MYO3A: variants seen among roughly 807,000 people sequenced by gnomAD.
MYO3A encodes myosin-IIIa.
A neutral mutation model predicts 192.7 loss-of-function variants in MYO3A; 180 were observed. That is an observed-to-expected ratio of 0.93 (90% CI 0.83 to 1.06). The LOEUF (loss-of-function observed/expected upper bound fraction) is 1.06. Ranked by LOEUF, MYO3A falls within the 50% of genes least tolerant of loss-of-function variation. MYO3A has a pLI of 0.00. For missense variants in MYO3A, 1,896 were observed against 1,905.0 expected, an observed-to-expected ratio of 1.00 and a Z score of 0.09; for synonymous variants, 628 against 645.3, an observed-to-expected ratio of 0.97 and a Z score of 0.41.
intron 29 of MYO3A, among the ~76,000 whole-genome samples, chr10:26,170,883 A>G (rs1334759388): frequency 1.3e-5 from 2 of 152,198 alleles, no homozygotes; most frequent in African/African-American, 4.8e-5. Context: ...TTAATAGCCA[A>G]TATGCCATTG....
At chr10:25,971,346 A>G (rs1190858378) in intron 4 of MYO3A, among the ~76,000 whole-genome samples, 3 of 152,194 alleles carry the variant, frequency 2.0e-5, no homozygotes, top group Non-Finnish European at 2.9e-5. Flanking sequence ...TGTTTTATAC[A>G]ATTGCTTTTT....
intron 17 of MYO3A, 103 bp from the exon 18 acceptor site, chr10:26,120,573 T>C: frequency 1.4e-6 from 2 of 1,475,318 alleles, no homozygotes; most frequent in Non-Finnish European, 1.9e-6. Flanking sequence ...TGGATAGATA[T>C]GAAAGGGCCT....
chr10:26,141,880 C>T (rs150868326), intron 20 of MYO3A, among the ~76,000 whole-genome samples: 2 of 152,090 alleles, frequency 1.3e-5, no homozygotes, highest in African/African-American at 4.8e-5. Flanking sequence ...CCTGGTGACA[C>T]CTTTGAAATG....
chr10:26,182,525 A>G (rs1233147829), intron 31 of MYO3A, among the ~76,000 whole-genome samples: 1 of 152,242 alleles, frequency 6.6e-6, no homozygotes, highest in Non-Finnish European at 1.5e-5. Context: ...AAGTCAGAGA[A>G]TGTTCTTCAA....
chr10:25,960,124 G>A (rs1837832640), intron 4 of MYO3A, among the ~76,000 whole-genome samples: 1 of 151,982 alleles, frequency 6.6e-6, no homozygotes, highest in Non-Finnish European at 1.5e-5. Flanking sequence ...TTTTTGCTCA[G>A]TGTTCTCCTT....
chr10:26,021,745 A>G (rs1353761714), intron 8 of MYO3A, 97 bp downstream of exon 8: 2 of 1,508,854 alleles, frequency 1.3e-6, no homozygotes, highest in African/African-American at 2.8e-5. Flanking sequence ...GTTCAGATAT[A>G]TTCCAACAAG....
chr10:25,962,709 C>T (rs571202089), intron 4 of MYO3A, among the ~76,000 whole-genome samples: 2 of 152,062 alleles, frequency 1.3e-5, no homozygotes, highest in East Asian at 1.9e-4. Flanking sequence ...CAGTATCAAG[C>T]GTGGAGGGGA....
At chr10:26,030,695 A>T (rs955848849) in intron 10 of MYO3A, among the ~76,000 whole-genome samples, 1 of 152,208 alleles carries the variant, frequency 6.6e-6, no homozygotes, top group African/African-American at 2.4e-5. Flanking sequence ...TTTGTACATG[A>T]TGTCATCCTT....
chr10:25,991,543 T>C (rs892914732), intron 4 of MYO3A, among the ~76,000 whole-genome samples: 2 of 152,054 alleles, frequency 1.3e-5, no homozygotes, highest in African/African-American at 4.8e-5. Context: ...CAATTTTGGC[T>C]TTTGTTGCCA....
intron 6 of MYO3A, among the ~76,000 whole-genome samples, chr10:26,007,230 C>T (rs1160036994): frequency 6.7e-6 from 1 of 150,190 alleles, no homozygotes; most frequent in Non-Finnish European, 1.5e-5. Flanking sequence ...TTGGACGTGT[C>T]TCAAAATAAT....
At chr10:25,936,402 G>A (rs1836066875) in intron 2 of MYO3A, among the ~76,000 whole-genome samples, 2 of 152,072 alleles carry the variant, frequency 1.3e-5, no homozygotes, top group African/African-American at 2.4e-5. Context: ...TTTGTAAAAT[G>A]TTTATTATGT....
intron 22 of MYO3A, among the ~76,000 whole-genome samples, 170 bp from the exon 23 acceptor site, chr10:26,147,260 A>G (rs1330712369): frequency 6.6e-6 from 1 of 152,052 alleles, no homozygotes; most frequent in Non-Finnish European, 1.5e-5. Context: ...TTAAGATGAT[A>G]AGGAGCTACC....
intron 4 of MYO3A, among the ~76,000 whole-genome samples, chr10:25,961,384 T>C (rs1003064520): frequency 6.6e-6 from 1 of 152,126 alleles, no homozygotes; most frequent in African/African-American, 2.4e-5. Context: ...TAGTTAAATG[T>C]TTTTTGAGAG....
At chr10:25,940,778 C>A (rs1227950487) in intron 2 of MYO3A, among the ~76,000 whole-genome samples, 2 of 152,084 alleles carry the variant, frequency 1.3e-5, no homozygotes, top group African/African-American at 4.8e-5. Flanking sequence ...TTTGAAAAAC[C>A]AGCAATCATT....
intron 31 of MYO3A, among the ~76,000 whole-genome samples, chr10:26,192,017 G>T (rs1187222003): frequency 1.3e-5 from 2 of 152,164 alleles, no homozygotes; most frequent in Non-Finnish European, 2.9e-5. Context: ...ACTCACACTT[G>T]TATCCTGATC....
At chr10:26,163,384 A>C (rs1589060823) in intron 26 of MYO3A, among the ~76,000 whole-genome samples, 1 of 152,194 alleles carries the variant, frequency 6.6e-6, no homozygotes, top group South Asian at 2.1e-4. Context: ...TAATTCAGAC[A>C]GAGCTGTGGA....
chr10:26,107,087 T>C (rs1001533111), intron 17 of MYO3A, among the ~76,000 whole-genome samples: 1 of 152,032 alleles, frequency 6.6e-6, no homozygotes, highest in Admixed American at 6.6e-5. Context: ...ACCTACCGTA[T>C]AGAAATTTCT....
rs1002030975 is a variant in MYO3A, at chr10:26,159,760, T to C, written c.2999+2245T>C. On this transcript the variant is annotated intron_variant, in intron 26 of 34. Transcript: ENST00000642920. The stretch of plus-strand genomic sequence containing the variant: ...GAAAACTCTACTACCTTTTTCATGA[T>C]GGAGATCAAAATTACATAAACATAT... Among the ~76,000 whole-genome samples, 6 of 152,180 alleles carry C rather than the reference T, an allele frequency of 3.9e-5. No homozygotes were observed. The South Asian group carries it at 6.2e-4, about 16-fold the overall frequency.
In MYO3A at chr10:26,029,395, C is replaced by T. The variant is rs79143147; in HGVS notation, c.953+2863C>T. ...TTCTGAGACATAAATGTTGGAACCT[C>T]GTATTTTACCTCACATGTCTTGCAA... On this transcript the variant is annotated intron_variant, in intron 10 of 34. Transcript: ENST00000642920. Among the ~76,000 whole-genome samples, 560 of 152,304 alleles carry T rather than the reference C, an allele frequency of 3.7e-3. 7 individuals are homozygous for T. The highest frequency in any genetic ancestry group is 4.1e-3 in the Non-Finnish European group (276 of 68,030).
Sources: allele counts gnomAD v4.1 joint callset (sites outside exome capture counted in the v4.1 genomes callset), GRCh38; gene constraint gnomAD v4.1.1; transcripts MANE v1.5; gene names NCBI Gene and HGNC (gene_info 2026-07-23, HGNC 2026-07-21).